Variants in NXPH2 observed in about 807,000 individuals in gnomAD.
NXPH2 encodes the protein neurexophilin-2.
A neutral mutation model predicts 19.8 loss-of-function variants in NXPH2; 5 were observed. The ratio of observed to expected loss-of-function variants is 0.25; its 90% CI spans 0.13 to 0.53. NXPH2 has a LOEUF of 0.53. Among genes scored for constraint, NXPH2 ranks in the 20% least tolerant of loss-of-function variants. The probability of loss-of-function intolerance (pLI) is 0.96; values close to 1 mark genes in which losing one functional copy is unlikely to be tolerated. For missense variants in NXPH2, 289 were observed against 322.8 expected (o/e 0.90, Z 0.80); for synonymous variants, 154 against 127.4 (o/e 1.21, Z -1.41).
At chr2:138,690,210 C>T (rs1680727104) in intron 1 of NXPH2, among the ~76,000 whole-genome samples, 1 of 152,164 alleles carries the variant, frequency 6.6e-6, no homozygotes. Context: ...CTTGATACCT[C>T]CCTCATTTTC....
At chr2:138,741,323 C>T (rs1254108854) in intron 1 of NXPH2, among the ~76,000 whole-genome samples, 1 of 152,178 alleles carries the variant, frequency 6.6e-6, no homozygotes, top group African/African-American at 2.4e-5. Flanking sequence ...AAGAGACTCA[C>T]ACACACTTAT....
chr2:138,676,753 G>T (rs745567820), intron 1 of NXPH2, among the ~76,000 whole-genome samples: 10 of 152,104 alleles, frequency 6.6e-5, no homozygotes. Context: ...GTCTCCAAAG[G>T]TTTCTATGAA....
At chr2:138,767,627 C>T (rs879910931) in intron 1 of NXPH2, among the ~76,000 whole-genome samples, 2 of 152,118 alleles carry the variant, frequency 1.3e-5, no homozygotes, top group Non-Finnish European at 2.9e-5. Flanking sequence ...ATATCTCCTA[C>T]CCTACAAACT....
intron 1 of NXPH2, among the ~76,000 whole-genome samples, chr2:138,770,928 A>G (rs1262552743): frequency 6.6e-6 from 1 of 152,148 alleles, no homozygotes; most frequent in African/African-American, 2.4e-5. Context: ...AATACAGTAT[A>G]CAATACATGT....
intron 1 of NXPH2, among the ~76,000 whole-genome samples, chr2:138,706,068 A>G (rs542318522): frequency 1.3e-5 from 2 of 152,332 alleles, no homozygotes; most frequent in East Asian, 3.9e-4. Context: ...ATGTGTTTAC[A>G]GTTTTATGTA....
At chr2:138,764,753 T>G (rs2104840896) in intron 1 of NXPH2, among the ~76,000 whole-genome samples, 1 of 152,288 alleles carries the variant, frequency 6.6e-6, no homozygotes, top group Non-Finnish European at 1.5e-5. Context: ...CAAATTAGCT[T>G]TGCTCTTCCC....
intron 1 of NXPH2, among the ~76,000 whole-genome samples, chr2:138,685,186 G>A (rs977749831): frequency 6.6e-6 from 1 of 152,166 alleles, no homozygotes; most frequent in African/African-American, 2.4e-5. Flanking sequence ...AGATGAAATT[G>A]TGCCTCAAGA....
intron 1 of NXPH2, among the ~76,000 whole-genome samples, chr2:138,724,127 T>C (rs570507038): frequency 6.6e-6 from 1 of 152,288 alleles, no homozygotes; most frequent in African/African-American, 2.4e-5. Flanking sequence ...GTGTGTGTTG[T>C]TCCCCTCTAT....
At chr2:138,765,544 T>C (rs1342610259) in intron 1 of NXPH2, among the ~76,000 whole-genome samples, 1 of 152,122 alleles carries the variant, frequency 6.6e-6, no homozygotes, top group Admixed American at 6.5e-5. Context: ...CATTCCAATA[T>C]AGAATAAAAT....
chr2:138,688,818 T>C (rs540691213), intron 1 of NXPH2, among the ~76,000 whole-genome samples: 22 of 152,260 alleles, frequency 1.4e-4, no homozygotes, highest in African/African-American at 4.6e-4. Flanking sequence ...ATAGACTTGG[T>C]CACCACCGCC....
At chr2:138,680,096 G>A (rs1680550148) in intron 1 of NXPH2, among the ~76,000 whole-genome samples, 1 of 152,138 alleles carries the variant, frequency 6.6e-6, no homozygotes. Flanking sequence ...AAGAGCAAGA[G>A]ACAGGAACAG....
chr2:138,762,565 T>C (rs1682033405), intron 1 of NXPH2, among the ~76,000 whole-genome samples: 1 of 152,222 alleles, frequency 6.6e-6, no homozygotes, highest in South Asian at 2.1e-4. Flanking sequence ...AATTCTGGTC[T>C]ACTAACTAAA....
intron 1 of NXPH2, among the ~76,000 whole-genome samples, chr2:138,764,470 G>A (rs2104840741): frequency 6.6e-6 from 1 of 152,248 alleles, no homozygotes; most frequent in Non-Finnish European, 1.5e-5. Context: ...ATCTCAATTT[G>A]CAGAAAGAAG....
Position 138,671,636 on chromosome 2 carries a change from A to C in NXPH2, c.81T>G (p.His27Gln). The C allele has an allele frequency of 6.3e-7, 1 of 1,588,248 alleles. No individual in the cohort carries two copies. The change falls in exon 2 of 2, where the codon CAT (histidine) becomes CAG (glutamine). Residue 27 changes from histidine (H) to glutamine (Q), a missense_variant. Transcript: ENST00000272641. ...LLFCDSKEVV[H>Q]ATEGLDWEDK... ...CTTCCCAATCCAGCCCCTCCGTGGC[A>C]TGCACCACTTCCTTACTGTCACAAA... is the stretch of plus-strand genomic sequence containing the variant.
At chr2:138,734,367 T>C (rs1681502734) in intron 1 of NXPH2, among the ~76,000 whole-genome samples, 1 of 152,198 alleles carries the variant, frequency 6.6e-6, no homozygotes, top group Admixed American at 6.5e-5. Context: ...ATCTGTCATA[T>C]TCTGAACATT....
chr2:138,757,393 C>A (rs529501801), intron 1 of NXPH2, among the ~76,000 whole-genome samples: 1 of 152,272 alleles, frequency 6.6e-6, no homozygotes, highest in East Asian at 1.9e-4. Context: ...AATGATTCCA[C>A]CTTCCCTTGG....
intron 1 of NXPH2, among the ~76,000 whole-genome samples, chr2:138,754,367 C>T (rs1401197544): frequency 6.6e-6 from 1 of 152,162 alleles, no homozygotes; most frequent in Non-Finnish European, 1.5e-5. Context: ...GAACCTTTGG[C>T]AACCACTGAT....
At chr2:138,743,050 TG>T (rs1681669318) in intron 1 of NXPH2, among the ~76,000 whole-genome samples, 1 of 152,224 alleles carries the variant, frequency 6.6e-6, no homozygotes, top group Non-Finnish European at 1.5e-5. Flanking sequence ...GATAAACAGT[TG>T]TAGCTCACAT....
At chr2:138,748,331 C>T (rs934693376) in intron 1 of NXPH2, among the ~76,000 whole-genome samples, 9 of 152,134 alleles carry the variant, frequency 5.9e-5, no homozygotes, top group Non-Finnish European at 1.2e-4. Flanking sequence ...AGAATGAAAG[C>T]TCATTAGGTG....
Sources: allele counts gnomAD v4.1 joint callset (sites outside exome capture counted in the v4.1 genomes callset), GRCh38; gene constraint gnomAD v4.1.1; transcripts MANE v1.5; gene names NCBI Gene and HGNC (gene_info 2026-07-23, HGNC 2026-07-21).